The following BBS5 variants were observed in gnomAD, a reference collection of about 807,000 sequenced individuals.
The protein encoded by BBS5 is Bardet-Biedl syndrome 5, also known as BBSome complex member BBS5.
In BBS5, 39 loss-of-function variants were observed where a neutral mutation model predicts 50.2. The ratio of observed to expected loss-of-function variants is 0.78; its 90% confidence interval spans 0.60 to 1.01. BBS5 has a LOEUF of 1.01. BBS5 is among the 50% of genes least tolerant of loss of function. BBS5 has a pLI of 0.00. For missense variants in BBS5, 356 were observed against 401.5 expected, an observed-to-expected ratio of 0.89 and a Z score of 0.97; for synonymous variants, 134 against 133.1, an observed-to-expected ratio of 1.01 and a Z score of -0.05.
intron 8 of BBS5, 135 bp from the exon 9 acceptor site, chr2:169,499,351 A>C: frequency 1.0e-6 from 1 of 965,824 alleles, no homozygotes; most frequent in Non-Finnish European, 1.5e-6. Context: ...TTTTCATAAT[A>C]AAAAGTTTAA....
intron 2 of BBS5, among the ~76,000 whole-genome samples, chr2:169,484,213 C>G (rs368264228): frequency 6.6e-6 from 1 of 152,080 alleles, no homozygotes; most frequent in Non-Finnish European, 1.5e-5. Flanking sequence ...AAGACCCTGT[C>G]TCTACAGAAA....
intron 1 of BBS5, among the ~76,000 whole-genome samples, 182 bp downstream of exon 1, chr2:169,479,794 A>T (rs1416052932): frequency 6.6e-6 from 1 of 152,192 alleles, no homozygotes; most frequent in Non-Finnish European, 1.5e-5. Flanking sequence ...GGCCCTCTCG[A>T]GGCCGGCGCC....
At chr2:169,479,687 G>A (rs1239388488) in intron 1 of BBS5, 75 bp downstream of exon 1, 2 of 1,516,404 alleles carry the variant, frequency 1.3e-6, no homozygotes, top group African/African-American at 1.4e-5. Context: ...ACCCGCGGGC[G>A]GAGACTGCAC....
chr2:169,502,360 C>A (rs1238163912), intron 9 of BBS5, among the ~76,000 whole-genome samples: 1 of 152,200 alleles, frequency 6.6e-6, no homozygotes, highest in Non-Finnish European at 1.5e-5. Context: ...CATAGTCACA[C>A]AACTCTGAGC....
chr2:169,483,879 C>T (rs1683443987), intron 2 of BBS5, among the ~76,000 whole-genome samples: 1 of 152,066 alleles, frequency 6.6e-6, no homozygotes, highest in Non-Finnish European at 1.5e-5. Context: ...AATAATAATC[C>T]CAACTATCAA....
chr2:169,484,846 A>G (rs1574335722), intron 2 of BBS5, among the ~76,000 whole-genome samples: 1 of 152,350 alleles, frequency 6.6e-6, no homozygotes, highest in African/African-American at 2.4e-5. Context: ...TAAAAGGGAC[A>G]GCCATATTTC....
At position 169,487,810 on chromosome 2, in the gene BBS5, C is replaced by T. The variant is rs752352120; in HGVS notation, c.213C>T (p.Val71=). ...SLALSRVNVS[V]GYNCILNITT... Reference sequence around the variant, plus strand: ...TTCTTTGCTTTTGGATTTTAGCTGTCGGTTACAATTGCATATTGAATATTA... The same window carrying T: ...TTCTTTGCTTTTGGATTTTAGCTGTTGGTTACAATTGCATATTGAATATTA... The change falls in exon 4 of 12, where the codon GTC becomes GTT. Residue 71 remains valine (V), a synonymous_variant. Transcript: ENST00000295240. 7 of 1,606,252 alleles carry T rather than the reference C, an allele frequency of 4.4e-6. No homozygotes were observed. Among genetic ancestry groups the T allele is most frequent in the African/African-American group, 1.3e-5 (1 of 74,574 alleles).
intron 5 of BBS5, among the ~76,000 whole-genome samples, chr2:169,491,346 TAA>T (rs1477083351): frequency 1.6e-4 from 25 of 152,208 alleles, no homozygotes; most frequent in Non-Finnish European, 2.1e-4. Context: ...TTCCACTGGT[TAA>T]GTATTGATGA....
In BBS5 at chr2:169,503,633, C is replaced by A. The variant is rs1259753628; in HGVS notation, c.900+455C>A. 3.3e-5 allele frequency among the ~76,000 whole-genome samples: 5 copies of A among 152,124 alleles called. No individual in the cohort carries two copies. The East Asian group carries it at 7.7e-4, about 23-fold the overall frequency. ...ATTGTTAATTAAATTAATTTAAAAT[C>A]TATACTTAATTTTTATGAAATGTTC... On this transcript the variant is annotated intron_variant, in intron 10 of 11. Coordinates refer to ENST00000295240, the MANE Select transcript of BBS5 (RefSeq NM_152384.3).
intron 2 of BBS5, among the ~76,000 whole-genome samples, chr2:169,482,922 TGC>T: frequency 6.6e-6 from 1 of 152,174 alleles, no homozygotes. Flanking sequence ...AAGTCCAGGC[TGC>T]CCATAGCAGC....
intron 2 of BBS5, among the ~76,000 whole-genome samples, chr2:169,483,322 A>C (rs1264871992): frequency 6.6e-6 from 1 of 152,024 alleles, no homozygotes; most frequent in African/African-American, 2.4e-5. Flanking sequence ...TAAATGCATG[A>C]ACTTTTGGTA....
intron 5 of BBS5, among the ~76,000 whole-genome samples, chr2:169,492,097 G>A (rs1239021044): frequency 2.0e-5 from 3 of 151,840 alleles, no homozygotes; most frequent in African/African-American, 4.8e-5. Flanking sequence ...GTGCCCGGCC[G>A]AGAAAAAGTA....
chr2:169,497,393 A>G (rs981978031), intron 7 of BBS5, among the ~76,000 whole-genome samples: 3 of 152,180 alleles, frequency 2.0e-5, no homozygotes, highest in Admixed American at 2.0e-4. Context: ...GGAATTTTGT[A>G]CATATTTCAG....
At chr2:169,483,252 C>A (rs1377316126) in intron 2 of BBS5, among the ~76,000 whole-genome samples, 1 of 152,164 alleles carries the variant, frequency 6.6e-6, no homozygotes, top group Non-Finnish European at 1.5e-5. Context: ...GGCATGTAGG[C>A]AGCAGGCCCT....
intron 5 of BBS5, among the ~76,000 whole-genome samples, chr2:169,492,382 C>T (rs1683615119): frequency 6.6e-6 from 1 of 151,284 alleles, no homozygotes; most frequent in African/African-American, 2.4e-5. Flanking sequence ...CCCAGCTACT[C>T]GGGAGGCTGA....
rs750368051 is a variant in BBS5 at position 169,504,483 on chromosome 2, A to G, written c.927A>G (p.Gln309=). Residue 309 remains glutamine (Q), a splice_region_variant and synonymous_variant, in exon 12 of 12, where the codon CAA becomes CAG. Coordinates refer to ENST00000295240, the MANE Select transcript of BBS5 (RefSeq NM_152384.3). ...FVAYFADGNK[Q]QDREPVFSEE... is the part of the protein sequence containing the mutation. ...TTATCCTCCTGTCTCCCAAAAAGCA[A>G]CAAGATCGTGAACCTGTATTTTCAG... 2.5e-6 allele frequency: 4 copies of G among 1,613,828 alleles called. No individual in the cohort carries two copies. Among genetic ancestry groups the G allele is most frequent in the African/African-American group, 2.7e-5 (2 of 75,010 alleles).
chr2:169,487,523 G>C (rs925952832), intron 3 of BBS5, among the ~76,000 whole-genome samples: 1 of 151,872 alleles, frequency 6.6e-6, no homozygotes, highest in Non-Finnish European at 1.5e-5. Flanking sequence ...TTTTTTAGTA[G>C]TAGTGCCAAA....
intron 5 of BBS5, among the ~76,000 whole-genome samples, chr2:169,488,486 A>C (rs536510103): frequency 2.8e-4 from 43 of 152,192 alleles, no homozygotes; most frequent in African/African-American, 1.0e-3. Context: ...ATTCCTATGA[A>C]AATCTAATGC....
At chr2:169,486,202 T>A (rs1325037014) in intron 2 of BBS5, among the ~76,000 whole-genome samples, 3 of 152,204 alleles carry the variant, frequency 2.0e-5, no homozygotes, top group Non-Finnish European at 2.9e-5. Context: ...TTTTAGACAT[T>A]ATAGAGGTTT....
Sources: allele counts gnomAD v4.1 joint callset (sites outside exome capture counted in the v4.1 genomes callset), GRCh38; gene constraint gnomAD v4.1.1; transcripts MANE v1.5; gene names NCBI Gene and HGNC (gene_info 2026-07-23, HGNC 2026-07-21).